MTERF3: variants seen among roughly 807,000 people sequenced by gnomAD.
MTERF3 encodes mitochondrial transcription termination factor 3.
Under a neutral mutation model 40.5 loss-of-function variants are expected in MTERF3, and 40 were observed. The observed-to-expected ratio is 0.99, with a 90% CI of 0.77 to 1.29. MTERF3 has a LOEUF of 1.29. MTERF3 is among the 50% of genes most tolerant of loss of function. MTERF3 has a pLI of 0.00. For missense variants in MTERF3, 452 were observed against 478.2 expected (o/e 0.95, Z 0.51); for synonymous variants, 158 against 166.6 (o/e 0.95, Z 0.40).
chr8:96,242,269 T>G (rs2129870231), intron 7 of MTERF3, among the ~76,000 whole-genome samples: 1 of 152,310 alleles, frequency 6.6e-6, no homozygotes, highest in Middle Eastern at 3.4e-3. Flanking sequence ...AAGCCACAAT[T>G]CTACAACAGA....
intron 7 of MTERF3, among the ~76,000 whole-genome samples, chr8:96,241,186 C>T (rs1013987910): frequency 1.3e-5 from 2 of 151,908 alleles, no homozygotes; most frequent in African/African-American, 4.8e-5. Flanking sequence ...CCAAGGTGGG[C>T]GGATCACGAA....
intron 4 of MTERF3, among the ~76,000 whole-genome samples, chr8:96,250,285 T>C (rs1810102222): frequency 6.7e-6 from 1 of 150,016 alleles, no homozygotes; most frequent in Non-Finnish European, 1.5e-5. Flanking sequence ...CAAAAGATCA[T>C]ATCTTTAAGT....
intron 3 of MTERF3, among the ~76,000 whole-genome samples, chr8:96,253,182 AGGACTTTAATGAAGGG>A (rs1384881632): frequency 2.0e-5 from 3 of 152,200 alleles, no homozygotes; most frequent in Non-Finnish European, 2.9e-5. Context: ...ACAAATGACA[AGGACTTTAATGAAGGG>A]ACTCTATACA....
intron 4 of MTERF3, among the ~76,000 whole-genome samples, chr8:96,247,958 A>G (rs924055409): frequency 4.4e-4 from 67 of 152,258 alleles, no homozygotes; most frequent in Non-Finnish European, 6.5e-4. Flanking sequence ...CAGAAATTCA[A>G]CATATGAAAA....
chr8:96,258,353 T>C lies in MTERF3; in HGVS notation c.334+4A>G. On this transcript the variant is annotated splice_donor_region_variant and intron_variant, in intron 2 of 7. Transcript: ENST00000287025. ...GGGAGACTTTTCTGAAAGTTCAGAA[T>C]TACCTTCTAGAAACAGCTCAGAATC... The C allele has an allele frequency of 6.3e-7, 1 of 1,598,348 alleles. No individual in the cohort carries two copies. The highest frequency in any genetic ancestry group is 8.6e-7 in the Non-Finnish European group (1 of 1,168,906).
chr8:96,254,546 C>T (rs1810247627), intron 3 of MTERF3, among the ~76,000 whole-genome samples: 1 of 152,188 alleles, frequency 6.6e-6, no homozygotes, highest in Admixed American at 6.5e-5. Flanking sequence ...ATAGCATCCT[C>T]CAGGTTCATC....
In MTERF3 at chr8:96,257,109, C is replaced by A; in HGVS notation, c.340G>T (p.Asp114Tyr). Reference protein sequence around the residue: ...FDSELFLEELDELPPLSPMQP... With the variant: ...FDSELFLEELYELPPLSPMQP... ...ATTGGAGACAATGGAGGCAATTCATCCAGTTCTTTGAAAGAGAGAAACAAA... is the reference window on the plus strand; with the variant it reads ...ATTGGAGACAATGGAGGCAATTCATACAGTTCTTTGAAAGAGAGAAACAAA... The change falls in exon 3 of 8, where the codon GAT becomes TAT. Residue 114 changes from aspartate (D) to tyrosine (Y), a missense_variant. Physicochemically the swap from Asp to Tyr is radical, Grantham distance 160. Transcript: ENST00000287025. 6.2e-7 allele frequency: 1 copy of A among 1,610,200 alleles called. No homozygotes were observed. The highest frequency in any genetic ancestry group is 8.5e-7 in the Non-Finnish European group (1 of 1,178,718).
intron 3 of MTERF3, among the ~76,000 whole-genome samples, chr8:96,252,228 C>A (rs11995989): frequency 1.3e-5 from 2 of 152,008 alleles, no homozygotes. Context: ...CAGAATAATA[C>A]GCACACTCAA....
In MTERF3 at chr8:96,258,550, TA is replaced by T; in HGVS notation, c.140del (p.Ile47AsnfsTer45). 6.2e-7 allele frequency: 1 copy of T among 1,614,166 alleles called. No homozygotes were observed. The highest frequency in any genetic ancestry group is 8.5e-7 in the Non-Finnish European group (1 of 1,180,000). On this transcript the variant is annotated frameshift_variant, in exon 2 of 8. Transcript: ENST00000287025. LOFTEE classifies it high-confidence loss of function. Reference sequence around the variant, plus strand: ...ACTGGAGAAAGCAATTGTCAGAGGATATCTGAGGCTGAGCAGAAAAGCCATG... The same window carrying T: ...ACTGGAGAAAGCAATTGTCAGAGGATTCTGAGGCTGAGCAGAAAAGCCATG... ...LLHGFSAQPQ[I>X]SSDNCFLQWG...
At chr8:96,250,611 G>C (rs1483225010) in intron 4 of MTERF3, among the ~76,000 whole-genome samples, 2 of 60,116 alleles carry the variant, frequency 3.3e-5, no homozygotes, top group Admixed American at 2.1e-4. Flanking sequence ...TTGGGAGGCT[G>C]AGGCAGAAGA....
At chr8:96,260,911 A>G (rs1452723486) in intron 1 of MTERF3, among the ~76,000 whole-genome samples, 4 of 152,196 alleles carry the variant, frequency 2.6e-5, no homozygotes, top group Non-Finnish European at 5.9e-5. Context: ...ATCAATGGCA[A>G]GTACAGTTAA....
In MTERF3 at chr8:96,256,982, A is replaced by G. The variant is rs765589238; in HGVS notation, c.467T>C (p.Leu156Pro). 36 of 1,608,778 alleles carry G rather than the reference A, an allele frequency of 2.2e-5. No homozygotes were observed. The highest frequency in any genetic ancestry group is 1.2e-4 in the South Asian group (11 of 89,462). Residue 156 changes from leucine to proline, a missense_variant, in exon 3 of 8, where the codon CTG (leucine) becomes CCG (proline). Leu to Pro is a moderately conservative substitution (Grantham distance 98). Transcript: ENST00000287025. ...LRDYVDHSET[L>P]QKLVLLGVDL... The stretch of plus-strand genomic sequence containing the variant: ...CTTACCTAGAAGAACCAACTTCTGC[A>G]GAGTCTCAGAATGATCCACATAGTC...
chr8:96,246,024 C>T, intron 5 of MTERF3, 93 bp from the exon 6 acceptor site: 1 of 1,175,002 alleles, frequency 8.5e-7, no homozygotes, highest in Non-Finnish European at 1.2e-6. Context: ...AAAGTTAAAA[C>T]TTAAAATATG....
Position 96,239,471 on chromosome 8 carries a change from A to G in MTERF3, c.*20T>C, listed in dbSNP as rs781690795. On this transcript the variant is annotated 3_prime_UTR_variant, in exon 8 of 8. Coordinates refer to ENST00000287025, the MANE Select transcript of MTERF3 (RefSeq NM_015942.5). ...ATATATATTCACTTTACAATACTGC[A>G]TTTTAACATACATAAAAATCTAAAG... The G allele has an allele frequency of 2.8e-5, 43 of 1,539,400 alleles. 1 individual carries two copies. Among genetic ancestry groups the G allele is most frequent in the South Asian group, 3.6e-5 (3 of 83,118 alleles).
chr8:96,246,187 C>T (rs972020306), intron 5 of MTERF3, 120 bp downstream of exon 5: 2 of 1,020,150 alleles, frequency 2.0e-6, no homozygotes, highest in Non-Finnish European at 1.4e-6. Context: ...CATTTTTGTA[C>T]AAAAAATACC....
At chr8:96,254,487 A>G (rs891793995) in intron 3 of MTERF3, among the ~76,000 whole-genome samples, 2 of 152,110 alleles carry the variant, frequency 1.3e-5, no homozygotes. Flanking sequence ...GCTTTCATAT[A>G]TAAGTGAGAT....
At chr8:96,258,804 T>C (rs1810330043) in intron 1 of MTERF3, 104 bp from the exon 2 acceptor site, 1 of 913,194 alleles carries the variant, frequency 1.1e-6, no homozygotes, top group Non-Finnish European at 1.6e-6. Flanking sequence ...ATTATTTTTT[T>C]CTAATTGAAA....
intron 3 of MTERF3, among the ~76,000 whole-genome samples, chr8:96,252,986 C>G (rs377737364): frequency 8.2e-4 from 125 of 152,286 alleles, no homozygotes; most frequent in African/African-American, 3.0e-3. Context: ...GGACCAGGCA[C>G]TTTTTTAGGT....
At chr8:96,251,963 T>G (rs1359979969) in intron 3 of MTERF3, among the ~76,000 whole-genome samples, 1 of 151,968 alleles carries the variant, frequency 6.6e-6, no homozygotes, top group Non-Finnish European at 1.5e-5. Context: ...AGGTGGGAGG[T>G]AACTGAATCA....
Sources: allele counts gnomAD v4.1 joint callset (sites outside exome capture counted in the v4.1 genomes callset), GRCh38; gene constraint gnomAD v4.1.1; transcripts MANE v1.5; gene names NCBI Gene and HGNC (gene_info 2026-07-23, HGNC 2026-07-21).